Variants in SLC44A5 observed in about 807,000 individuals in gnomAD.
SLC44A5 encodes the protein choline transporter-like protein 5.
A neutral mutation model predicts 101.8 loss-of-function variants in SLC44A5; 57 were observed. The ratio of observed to expected loss-of-function variants is 0.56; its 90% confidence interval spans 0.45 to 0.70. The LOEUF is 0.70. Among genes scored for constraint, SLC44A5 ranks in the 30% least tolerant of loss-of-function variants. The probability of loss-of-function intolerance (pLI) is 0.00; values close to 1 mark genes in which losing one functional copy is unlikely to be tolerated. For synonymous variants in SLC44A5, 281 were observed against 290.9 expected (o/e 0.97, Z 0.35); for missense variants, 737 against 853.1 (o/e 0.86, Z 1.70).
At chr1:75,339,264 G>C (rs1657682705) in intron 4 of SLC44A5, among the ~76,000 whole-genome samples, 1 of 152,066 alleles carries the variant, frequency 6.6e-6, no homozygotes, top group Non-Finnish European at 1.5e-5. Flanking sequence ...ACAACTACTT[G>C]AATGAGTTTG....
At chr1:75,594,315 C>T (rs1674516641) in intron 1 of SLC44A5, among the ~76,000 whole-genome samples, 1 of 151,604 alleles carries the variant, frequency 6.6e-6, no homozygotes, top group South Asian at 2.1e-4. Flanking sequence ...AAATGAAGTT[C>T]TGAAGGGAAA....
At chr1:75,540,204 C>T (rs1418477827) in intron 2 of SLC44A5, among the ~76,000 whole-genome samples, 1 of 152,150 alleles carries the variant, frequency 6.6e-6, no homozygotes, top group East Asian at 1.9e-4. Context: ...ACTTCTCAGG[C>T]ACTGTGCCAA....
At chr1:75,645,115 GA>G in the SLC44A5 span, among the ~76,000 whole-genome samples, 1 of 152,122 alleles carries the variant, frequency 6.6e-6, no homozygotes, top group African/African-American at 2.4e-5. Flanking sequence ...ATAGCATCAT[GA>G]TTTATAATCC....
At chr1:75,622,398 C>T in the SLC44A5 span, among the ~76,000 whole-genome samples, 1 of 151,998 alleles carries the variant, frequency 6.6e-6, no homozygotes, top group South Asian at 2.1e-4. Flanking sequence ...TGTCATCGAA[C>T]CTCTAGAATT....
chr1:75,575,246 C>A (rs72684176), intron 1 of SLC44A5, among the ~76,000 whole-genome samples: 7 of 152,228 alleles, frequency 4.6e-5, no homozygotes, highest in Non-Finnish European at 7.4e-5. Flanking sequence ...ATGCTTCCCC[C>A]ACATGTGTCA....
intron 1 of SLC44A5, among the ~76,000 whole-genome samples, chr1:75,570,210 A>G (rs1398938835): frequency 1.3e-5 from 2 of 152,160 alleles, no homozygotes; most frequent in African/African-American, 2.4e-5. Flanking sequence ...GAAAAATGGG[A>G]TGGGTGCTGA....
At chr1:75,615,823 G>A, upstream of SLC44A5, 3 of 981,404 alleles carry the variant, frequency 3.1e-6, no homozygotes, top group South Asian at 9.4e-5. Flanking sequence ...GAGAGGGGAG[G>A]CGGCGAGGGG....
intron 2 of SLC44A5, among the ~76,000 whole-genome samples, chr1:75,456,566 T>C (rs2083868): frequency 0.22 from 32,889 of 152,156 alleles, 3,670 homozygotes; most frequent in Non-Finnish European, 0.24. Flanking sequence ...CAAATTTCAC[T>C]ACATTTGGCT....
intron 2 of SLC44A5, among the ~76,000 whole-genome samples, chr1:75,468,281 C>CTA (rs2101720016): frequency 6.6e-6 from 1 of 152,218 alleles, no homozygotes; most frequent in East Asian, 1.9e-4. Context: ...AAAATTAAAA[C>CTA]TAGAGATACT....
chr1:75,358,743 T>A (rs1023066773), intron 3 of SLC44A5, among the ~76,000 whole-genome samples: 1 of 152,226 alleles, frequency 6.6e-6, no homozygotes, highest in South Asian at 2.1e-4. Context: ...ATGGTGTACA[T>A]TCGTGAATGG....
At chr1:75,608,212 C>T (rs1446350358) in intron 1 of SLC44A5, among the ~76,000 whole-genome samples, 1 of 148,156 alleles carries the variant, frequency 6.7e-6, no homozygotes, top group Admixed American at 6.8e-5. Flanking sequence ...CAAAAAAAAA[C>T]AAATAACCCA....
the SLC44A5 span, among the ~76,000 whole-genome samples, chr1:75,631,714 T>A: frequency 2.0e-5 from 3 of 151,972 alleles, no homozygotes; most frequent in Non-Finnish European, 4.4e-5. Flanking sequence ...TTTTTGTATT[T>A]TTAGTAGAGA....
intron 1 of SLC44A5, among the ~76,000 whole-genome samples, chr1:75,605,190 A>G (rs919648017): frequency 6.6e-6 from 1 of 151,914 alleles, no homozygotes; most frequent in Non-Finnish European, 1.5e-5. Context: ...CTGCCTTTTA[A>G]GTTTTTAAAA....
At chr1:75,671,107 G>A in the SLC44A5 span, among the ~76,000 whole-genome samples, 1 of 152,166 alleles carries the variant, frequency 6.6e-6, no homozygotes, top group East Asian at 1.9e-4. Context: ...AGGTAAGGTA[G>A]GCAGATTTAG....
At chr1:75,403,539 T>A (rs1315704682) in intron 2 of SLC44A5, among the ~76,000 whole-genome samples, 2 of 152,124 alleles carry the variant, frequency 1.3e-5, no homozygotes, top group East Asian at 3.9e-4. Flanking sequence ...CCTCCTCTGG[T>A]GATACCCAGG....
intron 7 of SLC44A5, among the ~76,000 whole-genome samples, chr1:75,247,699 C>T (rs534632996): frequency 2.0e-5 from 3 of 151,996 alleles, no homozygotes; most frequent in Non-Finnish European, 4.4e-5. Context: ...GAATGTTGTG[C>T]CCTGGAAGCC....
the SLC44A5 span, among the ~76,000 whole-genome samples, chr1:75,718,340 C>T: frequency 6.6e-6 from 1 of 152,122 alleles, no homozygotes; most frequent in Non-Finnish European, 1.5e-5. Flanking sequence ...CACTTGATAG[C>T]CCTTTGTGGA....
At chr1:75,380,305 G>A (rs370369198) in intron 3 of SLC44A5, among the ~76,000 whole-genome samples, 1,270 of 58,684 alleles carry the variant, frequency 0.022, no homozygotes, top group East Asian at 0.11. Flanking sequence ...ACTAATCTTG[G>A]GAAGATCAAG....
chr1:75,310,864 ACT>A (rs1298116851), intron 4 of SLC44A5, among the ~76,000 whole-genome samples: 1 of 152,084 alleles, frequency 6.6e-6, no homozygotes, highest in African/African-American at 2.4e-5. Flanking sequence ...TTAGATTTTA[ACT>A]CTGAATAATT....
Sources: gnomAD v4.1 joint callset for allele counts (sites outside exome capture counted in the v4.1 genomes callset) on GRCh38, gnomAD v4.1.1 for gene constraint, MANE v1.5 for transcripts, NCBI Gene and HGNC (gene_info 2026-07-23, HGNC 2026-07-21) for gene names.